The following IL1R2 variants were observed in gnomAD, a reference collection of about 807,000 sequenced individuals.
The protein encoded by IL1R2 is interleukin 1 receptor type 2.
IL1R2 carries 46 observed loss-of-function variants against 39.5 expected under a neutral mutation model. The observed-to-expected ratio is 1.16, with a 90% CI of 0.92 to 1.49. IL1R2 has a LOEUF of 1.49. IL1R2 is among the 40% of genes most tolerant of loss of function. IL1R2 has a pLI of 0.00. For missense variants in IL1R2, 537 were observed against 502.0 expected, an observed-to-expected ratio of 1.07 and a Z score of -0.67; for synonymous variants, 207 against 189.6, an observed-to-expected ratio of 1.09 and a Z score of -0.75.
At chr2:102,013,576 G>GAAAAAAAAAAAAAA in intron 3 of IL1R2, among the ~76,000 whole-genome samples, 1 of 54,748 alleles carries the variant, frequency 1.8e-5, no homozygotes, top group East Asian at 5.1e-4. Flanking sequence ...AGAAAAGAAG[G>GAAAAAAAAAAAAAA]AAAAGAAAAA....
intron 1 of IL1R2, among the ~76,000 whole-genome samples, chr2:102,000,452 G>A (rs2150420558): frequency 6.6e-6 from 1 of 152,332 alleles, no homozygotes; most frequent in East Asian, 1.9e-4. Context: ...GGTGTAGACA[G>A]ACTTCTTTGG....
chr2:102,009,884 G>T (rs879421240), intron 3 of IL1R2, 58 bp downstream of exon 3: 339 of 1,567,638 alleles, frequency 2.2e-4, no homozygotes, highest in Non-Finnish European at 2.8e-4. Flanking sequence ...GGCTTGTGAG[G>T]GTCTTCAGTC....
intron 5 of IL1R2, 108 bp from the exon 6 acceptor site, chr2:102,022,078 TG>T: frequency 1.2e-6 from 1 of 867,728 alleles, no homozygotes; most frequent in Non-Finnish European, 1.9e-6. Context: ...TCATAATGAC[TG>T]GCCATACTGG....
Position 102,016,053 on chromosome 2 carries a change from T to C in IL1R2, c.513+2T>C. On this transcript the variant is annotated splice_donor_variant, in intron 4 of 8. Transcript: ENST00000332549. LOFTEE classifies it high-confidence loss of function. ...GACGTGAAGATTCAATGGTACAAGG[T>C]ACGGCTTTAAAAAATGCCATTTTAC... The C allele has an allele frequency of 6.3e-7, 1 of 1,590,522 alleles. No homozygotes were observed. The highest frequency in any genetic ancestry group is 8.6e-7 in the Non-Finnish European group (1 of 1,166,116).
rs372421116 is a variant in IL1R2, at chr2:102,019,131, A to G, written c.514-507A>G. Among the ~76,000 whole-genome samples the G allele has an allele frequency of 1.1e-4, 16 of 152,262 alleles. 1 individual carries two copies. In the East Asian group the frequency reaches 2.5e-3, roughly 24 times the overall value. On this transcript the variant is annotated intron_variant, in intron 4 of 8. Transcript: ENST00000332549. Reference sequence around the variant, plus strand: ...ACCCCAGAGAACCTTGTGTCCATATAAAAAGTGTGGACTCGTTTCCCCTAT... The same window carrying G: ...ACCCCAGAGAACCTTGTGTCCATATGAAAAGTGTGGACTCGTTTCCCCTAT...
chr2:102,026,340 A>G, intron 8 of IL1R2, 87 bp downstream of exon 8: 1 of 1,044,628 alleles, frequency 9.6e-7, no homozygotes, highest in Non-Finnish European at 1.3e-6. Flanking sequence ...TGTTCTCCAA[A>G]TGATTCCATA....
At chr2:102,017,343 G>A (rs1677067619) in intron 4 of IL1R2, among the ~76,000 whole-genome samples, 1 of 147,668 alleles carries the variant, frequency 6.8e-6, no homozygotes. Context: ...GTTGCAGTGA[G>A]CCAAGATCAC....
chr2:102,028,218 T>A lies in IL1R2; in HGVS notation c.1031-8T>A. The A allele has an allele frequency of 1.2e-6, 2 of 1,602,520 alleles. No individual in the cohort carries two copies. Among genetic ancestry groups the A allele is most frequent in the Non-Finnish European group, 1.7e-6 (2 of 1,173,674 alleles). On this transcript the variant is annotated splice_polypyrimidine_tract_variant and splice_region_variant and intron_variant, in intron 8 of 8. Transcript: ENST00000332549. ...TCAGCTCCTGATGTGACTCTGTTCTTCCCACAGCCTCCTCCACGTTCTCCT... is the reference window on the plus strand; with the variant it reads ...TCAGCTCCTGATGTGACTCTGTTCTACCCACAGCCTCCTCCACGTTCTCCT...
At chr2:102,006,141 A>C (rs1170550488) in intron 1 of IL1R2, among the ~76,000 whole-genome samples, 1 of 152,196 alleles carries the variant, frequency 6.6e-6, no homozygotes, top group Non-Finnish European at 1.5e-5. Context: ...CAGTGTATTT[A>C]AATTCCTACT....
chr2:102,005,748 G>A (rs1444151909), intron 1 of IL1R2, among the ~76,000 whole-genome samples: 7 of 152,224 alleles, frequency 4.6e-5, no homozygotes, highest in Non-Finnish European at 8.8e-5. Context: ...GATGGGAAAT[G>A]TCTGTGTATA....
intron 3 of IL1R2, 23 bp from the exon 4 acceptor site, chr2:102,015,848 C>CT (rs563841433): frequency 7.3e-5 from 115 of 1,580,588 alleles, no homozygotes; most frequent in African/African-American, 4.3e-4. Flanking sequence ...TGCCATTTAT[C>CT]TTTTTTTTCC....
chr2:102,004,118 C>T (rs1676113972), intron 1 of IL1R2, among the ~76,000 whole-genome samples: 1 of 152,158 alleles, frequency 6.6e-6, no homozygotes, highest in Admixed American at 6.5e-5. Context: ...AAAATGTTAA[C>T]AATGGCGAAT....
In IL1R2 at chr2:102,009,705, A is replaced by G; in HGVS notation, c.211A>G (p.Lys71Glu). The change falls in exon 3 of 9, where the codon AAA becomes GAA. Residue 71 changes from lysine (K) to glutamate (E), a missense_variant. By Grantham distance (56) the Lys-to-Glu change is moderately conservative (BLOSUM62 1). Coordinates refer to ENST00000332549, the MANE Select transcript of IL1R2 (RefSeq NM_004633.4). ...VSPRINLTWH[K>E]NDSARTVPGE... is the part of the protein sequence containing the mutation. ...CCCCCGCATCAACCTGACATGGCAT[A>G]AAAATGACTCTGCTAGGACGGTCCC... 4 of 1,614,202 alleles carry G rather than the reference A, an allele frequency of 2.5e-6. No individual in the cohort carries two copies. The highest frequency in any genetic ancestry group is 3.4e-6 in the Non-Finnish European group (4 of 1,180,026).
intron 3 of IL1R2, among the ~76,000 whole-genome samples, chr2:102,014,469 T>A (rs1676865562): frequency 6.6e-6 from 1 of 152,228 alleles, no homozygotes; most frequent in Admixed American, 6.5e-5. Context: ...GTAGTGACAT[T>A]ACGCATTTTT....
chr2:101,999,687 A>C (rs1254662920), intron 1 of IL1R2, among the ~76,000 whole-genome samples: 1 of 152,192 alleles, frequency 6.6e-6, no homozygotes. Flanking sequence ...GCAAATGACT[A>C]TGTGTTTGCC....
chr2:101,997,953 C>T (rs1675670376), intron 1 of IL1R2, among the ~76,000 whole-genome samples: 1 of 152,170 alleles, frequency 6.6e-6, no homozygotes, highest in South Asian at 2.1e-4. Flanking sequence ...ACACTTCCTA[C>T]CAGGAAGGAA....
chr2:102,002,220 T>C (rs921002161), intron 1 of IL1R2, among the ~76,000 whole-genome samples: 5 of 152,246 alleles, frequency 3.3e-5, no homozygotes, highest in African/African-American at 1.2e-4. Flanking sequence ...TATTCAGAGG[T>C]GAAGTTTGAT....
At chr2:102,010,054 C>A (rs999994722) in intron 3 of IL1R2, 2 of 561,790 alleles carry the variant, frequency 3.6e-6, no homozygotes, top group Non-Finnish European at 6.3e-6. Context: ...ACGTCCCTAG[C>A]CATTTTAGCT....
chr2:102,009,546 G>A lies in IL1R2; in HGVS notation c.68-16G>A. 1.2e-6 allele frequency: 2 copies of A among 1,611,610 alleles called. No individual in the cohort carries two copies. The highest frequency in any genetic ancestry group is 1.7e-6 in the Non-Finnish European group (2 of 1,178,578). The stretch of plus-strand genomic sequence containing the variant: ...TTTTGGACCCAAAGCCTGACCATGG[G>A]CTCTCTGTCCTTCAGGGGCTGCCAG... On this transcript the variant is annotated splice_polypyrimidine_tract_variant and intron_variant, in intron 2 of 8. Transcript: ENST00000332549.
Sources: gnomAD v4.1 joint callset for allele counts (sites outside exome capture counted in the v4.1 genomes callset) on GRCh38, gnomAD v4.1.1 for gene constraint, MANE v1.5 for transcripts, NCBI Gene and HGNC (gene_info 2026-07-23, HGNC 2026-07-21) for gene names.